The following ROR1 variants were observed in gnomAD, a reference collection of about 807,000 sequenced individuals.
ROR1 encodes the protein ROR family WNT receptor 1.
A neutral mutation model predicts 78.8 loss-of-function variants in ROR1; 19 were observed. The ratio of observed to expected loss-of-function variants is 0.24; its 90% CI spans 0.17 to 0.35. The LOEUF (loss-of-function observed/expected upper bound fraction) is 0.35, where lower values mean the gene tolerates loss of function less well. Ranked by LOEUF, ROR1 falls within the 10% of genes least tolerant of loss-of-function variation. The pLI is 1.00. For synonymous variants in ROR1, 386 were observed against 433.6 expected (o/e 0.89, Z 1.36); for missense variants, 917 against 1,177.8 (o/e 0.78, Z 3.24).
intron 2 of ROR1, among the ~76,000 whole-genome samples, chr1:64,048,835 A>G (rs1028284395): frequency 2.0e-5 from 3 of 152,188 alleles, no homozygotes; most frequent in Non-Finnish European, 4.4e-5. Flanking sequence ...AACCTATGGT[A>G]ATAGAAATTA....
chr1:63,843,290 T>C, intron 1 of ROR1: 1 of 1,398,728 alleles, frequency 7.1e-7, no homozygotes, highest in Non-Finnish European at 1.0e-6. Context: ...TTGTGTGTAA[T>C]TCATGCTTGA....
chr1:63,804,306 A>G (rs1644815471), intron 1 of ROR1, among the ~76,000 whole-genome samples: 1 of 152,214 alleles, frequency 6.6e-6, no homozygotes. Context: ...AAACTGGTCC[A>G]ATCTGAGTAA....
chr1:63,815,484 C>CTTTT (rs34749985), intron 1 of ROR1, among the ~76,000 whole-genome samples: 3 of 85,346 alleles, frequency 3.5e-5, no homozygotes, highest in African/African-American at 1.4e-4. Flanking sequence ...TTTTCTTTTT[C>CTTTT]TTTTTTTTTT....
intron 4 of ROR1, among the ~76,000 whole-genome samples, chr1:64,061,584 C>T (rs1329118300): frequency 1.3e-5 from 2 of 152,202 alleles, no homozygotes; most frequent in African/African-American, 4.8e-5. Context: ...GGGCCTGGGA[C>T]TGCATTTCTT....
chr1:64,126,195 T>C (rs951308208), intron 4 of ROR1, among the ~76,000 whole-genome samples: 1 of 152,172 alleles, frequency 6.6e-6, no homozygotes, highest in African/African-American at 2.4e-5. Context: ...AGTGCCAGTG[T>C]GATATGTTCA....
chr1:63,822,390 T>C (rs1644928642), intron 1 of ROR1, among the ~76,000 whole-genome samples: 1 of 152,228 alleles, frequency 6.6e-6, no homozygotes, highest in Non-Finnish European at 1.5e-5. Flanking sequence ...ATTCTACTTA[T>C]ATGAGCATCC....
intron 4 of ROR1, among the ~76,000 whole-genome samples, chr1:64,102,696 G>A (rs1002391933): frequency 2.0e-5 from 3 of 152,190 alleles, no homozygotes; most frequent in East Asian, 1.9e-4. Context: ...GGGTTTGATC[G>A]CCTTCGCTTT....
intron 8 of ROR1, among the ~76,000 whole-genome samples, chr1:64,176,039 T>G (rs1359026837): frequency 6.6e-6 from 1 of 152,246 alleles, no homozygotes; most frequent in East Asian, 1.9e-4. Context: ...TCTAACAAAT[T>G]AAATGAAACA....
At chr1:64,114,557 G>T (rs892078199) in intron 4 of ROR1, among the ~76,000 whole-genome samples, 17 of 152,150 alleles carry the variant, frequency 1.1e-4, no homozygotes, top group African/African-American at 3.9e-4. Context: ...AGGGAGACAT[G>T]CTTAAGCATT....
intron 4 of ROR1, among the ~76,000 whole-genome samples, chr1:64,103,985 G>C (rs1452704193): frequency 6.6e-6 from 1 of 152,062 alleles, no homozygotes; most frequent in Non-Finnish European, 1.5e-5. Flanking sequence ...CATCTAGTAG[G>C]TTAAGGCCAG....
At chr1:63,878,810 A>G (rs560551246) in intron 1 of ROR1, among the ~76,000 whole-genome samples, 1 of 152,194 alleles carries the variant, frequency 6.6e-6, no homozygotes, top group African/African-American at 2.4e-5. Flanking sequence ...CTGCATAGTT[A>G]TGTACTTATT....
chr1:64,022,567 C>T (rs750790000), intron 2 of ROR1, among the ~76,000 whole-genome samples: 2 of 152,148 alleles, frequency 1.3e-5, no homozygotes, highest in African/African-American at 4.8e-5. Context: ...CCCATTTCCC[C>T]GTAAGAGCCC....
chr1:63,862,352 C>A (rs11585795), intron 1 of ROR1, among the ~76,000 whole-genome samples: 29,582 of 140,970 alleles, frequency 0.21, 3,250 homozygotes, highest in Middle Eastern at 0.27. Context: ...CAAGATCATA[C>A]CACTGTATTC....
intron 4 of ROR1, among the ~76,000 whole-genome samples, chr1:64,127,330 A>G (rs1648744461): frequency 6.6e-6 from 1 of 152,160 alleles, no homozygotes; most frequent in Non-Finnish European, 1.5e-5. Context: ...TAATTCTTCA[A>G]CTATAAAATG....
At chr1:64,075,476 T>C (rs1647041732) in intron 4 of ROR1, among the ~76,000 whole-genome samples, 1 of 152,154 alleles carries the variant, frequency 6.6e-6, no homozygotes, top group South Asian at 2.1e-4. Context: ...TTTGGCAAGG[T>C]TTAAGAGTGA....
chr1:64,059,517 T>C (rs1219727100), intron 4 of ROR1, among the ~76,000 whole-genome samples: 1 of 152,108 alleles, frequency 6.6e-6, no homozygotes, highest in Non-Finnish European at 1.5e-5. Context: ...GAGGCCAGCC[T>C]GACCAACATG....
At chr1:63,858,525 C>A (rs1304178392) in intron 1 of ROR1, among the ~76,000 whole-genome samples, 3 of 152,162 alleles carry the variant, frequency 2.0e-5, no homozygotes, top group Non-Finnish European at 2.9e-5. Context: ...CAAGATTAGA[C>A]CCTACCACTT....
chr1:64,172,670 G>T (rs560404888), intron 8 of ROR1, among the ~76,000 whole-genome samples: 89 of 151,938 alleles, frequency 5.9e-4, no homozygotes, highest in Non-Finnish European at 1.1e-3. Flanking sequence ...TTTACATTTT[G>T]TACATCCCTG....
chr1:63,887,082 GC>G (rs1426427365), intron 1 of ROR1, among the ~76,000 whole-genome samples: 8 of 152,192 alleles, frequency 5.3e-5, no homozygotes, highest in Admixed American at 1.3e-4. Flanking sequence ...TCAGACCATG[GC>G]CTATGTGGGT....
Sources: allele counts gnomAD v4.1 joint callset (sites outside exome capture counted in the v4.1 genomes callset), GRCh38; gene constraint gnomAD v4.1.1; transcripts MANE v1.5; gene names NCBI Gene and HGNC (gene_info 2026-07-23, HGNC 2026-07-21).